The following TRIM17 variants were observed in gnomAD, a reference collection of about 807,000 sequenced individuals.
TRIM17 encodes the protein tripartite motif containing 17.
TRIM17 carries 27 observed loss-of-function variants against 35.8 expected under a neutral mutation model. That is an observed-to-expected ratio of 0.75 (90% CI 0.56 to 1.04). TRIM17 has a LOEUF of 1.04. Among genes scored for constraint, TRIM17 ranks in the 50% least tolerant of loss-of-function variants. The pLI, the probability that TRIM17 is intolerant of heterozygous loss-of-function variation, is 0.00. For synonymous variants in TRIM17, 246 were observed against 252.6 expected, an observed-to-expected ratio of 0.97 and a Z score of 0.25; for missense variants, 582 against 612.8, an observed-to-expected ratio of 0.95 and a Z score of 0.53.
rs528401423 is a variant in TRIM17 at position 228,408,330 on chromosome 1, G to T, written c.1305C>A (p.Ser435Arg). The T allele has an allele frequency of 2.5e-6, 4 of 1,613,900 alleles. No individual in the cohort carries two copies. The highest frequency in any genetic ancestry group is 1.1e-5 in the South Asian group (1 of 91,062). Reference protein sequence around the residue: ...EAGEVSFYSVSDGSHLHTYSQ... With the variant: ...EAGEVSFYSVRDGSHLHTYSQ... ...AGTAGGTGTGCAGGTGGGACCCATC[G>T]CTTACACTGTAGAAGGACACTTCCC... Residue 435 changes from serine (S) to arginine (R), a missense_variant, in exon 7 of 7, where the codon AGC becomes AGA. Physicochemically the swap from Ser to Arg is moderately radical, Grantham distance 110. Transcript: ENST00000366698. This position sits in a 1 kb window ranked among gnomAD's most constrained non-coding sequence, Gnocchi z 6.3.
At chr1:228,409,001 T>C in intron 6 of TRIM17, 171 bp downstream of exon 6, 2 of 1,557,582 alleles carry the variant, frequency 1.3e-6, no homozygotes, top group Non-Finnish European at 1.7e-6. Context: ...TCCCATGAAT[T>C]AGAACCACCA....
intron 4 of TRIM17, 24 bp from the exon 5 acceptor site, chr1:228,409,435 TG>T: frequency 6.7e-7 from 1 of 1,488,608 alleles, no homozygotes; most frequent in East Asian, 2.4e-5. Flanking sequence ...GGACGGAGGG[TG>T]GGGAGTGAGC....
rs761434552 is a variant in TRIM17 at position 228,414,761 on chromosome 1, C to T, written c.312G>A (p.Glu104=). ...QKQDLCQEHH[E]PLKLFCQKDQ... is the part of the protein sequence containing the mutation. ...CCTTCTGGCAGAAAAGCTTGAGGGG[C>T]TCGTGGTGCTCCTGGCACAGGTCTT... The change falls in exon 2 of 7, where the codon GAG becomes GAA. Residue 104 remains glutamate, a synonymous_variant. Coordinates refer to ENST00000366698, the MANE Select transcript of TRIM17 (RefSeq NM_016102.4). The T allele has an allele frequency of 3.2e-5, 52 of 1,612,870 alleles. 1 individual carries two copies. Among genetic ancestry groups the T allele is most frequent in the South Asian group, 1.1e-4 (10 of 91,036 alleles).
chr1:228,409,021 C>T, intron 6 of TRIM17, 151 bp downstream of exon 6: 1 of 1,595,652 alleles, frequency 6.3e-7, no homozygotes, highest in South Asian at 1.1e-5. Flanking sequence ...AGTAACGCCG[C>T]CCTACGAAGG....
rs1656708115 is a variant in TRIM17, at chr1:228,410,324, C to A, written c.756+622G>T. Among the ~76,000 whole-genome samples, 2 of 152,088 alleles carry A rather than the reference C, an allele frequency of 1.3e-5. No homozygotes were observed. Among genetic ancestry groups the A allele is most frequent in the Admixed American group, 1.3e-4 (2 of 15,276 alleles). On this transcript the variant is annotated intron_variant, in intron 4 of 6. Coordinates refer to ENST00000366698, the MANE Select transcript of TRIM17 (RefSeq NM_016102.4). The surrounding 1 kb of genome is among the most constrained non-coding windows in gnomAD (Gnocchi z 4.6). ...CGTAATCAAGCCCCCTCTCCAGGGCCATGGCACACAGGCTGGTCCCGGCAG... is the reference window on the plus strand; with the variant it reads ...CGTAATCAAGCCCCCTCTCCAGGGCAATGGCACACAGGCTGGTCCCGGCAG...
Position 228,414,947 on chromosome 1 carries a change from C to T in TRIM17, c.126G>A (p.Leu42=), listed in dbSNP as rs1430993722. The T allele has an allele frequency of 2.5e-6, 4 of 1,613,508 alleles. No homozygotes were observed. Among genetic ancestry groups the T allele is most frequent in the Non-Finnish European group, 3.4e-6 (4 of 1,180,034 alleles). ...TCTTGCCCCTCGCCTTTTCCCAGCT[C>T]AGCTGGATGCAGGCTCGGCAGAAGT... The part of the protein sequence containing the change: ...GHNFCRACIQ[L]SWEKARGKKG... Residue 42 remains leucine, a synonymous_variant, in exon 2 of 7, where the codon CTG becomes CTA. Coordinates refer to ENST00000366698, the MANE Select transcript of TRIM17 (RefSeq NM_016102.4).
At chr1:228,415,152 G>A (rs1558460125) in intron 1 of TRIM17, 39 bp from the exon 2 acceptor site, 9 of 1,481,022 alleles carry the variant, frequency 6.1e-6, no homozygotes, top group Middle Eastern at 1.9e-4. Flanking sequence ...TGATCTGGGC[G>A]CCGGCAGTGT....
Position 228,410,884 on chromosome 1 carries a change from G to A in TRIM17, c.756+62C>T, listed in dbSNP as rs142171479. On this transcript the variant is annotated intron_variant, in intron 4 of 6. Coordinates refer to ENST00000366698, the MANE Select transcript of TRIM17 (RefSeq NM_016102.4). This position sits in a 1 kb window ranked among gnomAD's most constrained non-coding sequence, Gnocchi z 4.6. ...TGGCTGCCTCTTCCCCAAGCCCAGC[G>A]CCCCCTGCCCATGCCTGTCAGAGCT... The A allele has an allele frequency of 9.5e-4, 1,161 of 1,217,532 alleles. 7 individuals are homozygous for A. In the African/African-American group the frequency reaches 0.016, roughly 16 times the overall value. The allele number at this position is 1,217,532 out of a possible 1,614,324, so 75.4% of individuals were successfully genotyped here.
Position 228,415,218 on chromosome 1 carries a change from TAG to T in TRIM17, c.-41-107_-41-106del, listed in dbSNP as rs771743156. On this transcript the variant is annotated intron_variant, in intron 1 of 6. Coordinates refer to ENST00000366698, the MANE Select transcript of TRIM17 (RefSeq NM_016102.4). ...AGGAGGGCTAGGACTGCAGTCCAGTTAGAGAGTCCAGAGTCATCATTTTTAGC... is the reference window on the plus strand; with the variant it reads ...AGGAGGGCTAGGACTGCAGTCCAGTTAGAGTCCAGAGTCATCATTTTTAGC... 1.6e-4 allele frequency: 139 copies of T among 894,652 alleles called. 1 individual carries two copies. In the East Asian group the frequency reaches 1.8e-3, roughly 11 times the overall value. 55.4% of individuals were successfully genotyped at this position (894,652 alleles called of 1,614,324 possible). A position where few individuals can be genotyped will look rare whatever the true frequency, so the allele number is the denominator to read the frequency against.
rs1008220266 is a variant in TRIM17 at position 228,410,859 on chromosome 1, T to C, written c.756+87A>G. 2 of 970,006 alleles carry C rather than the reference T, an allele frequency of 2.1e-6. No homozygotes were observed. Among genetic ancestry groups the C allele is most frequent in the African/African-American group, 3.3e-5 (2 of 60,584 alleles). The allele number at this position is 970,006 out of a possible 1,614,324, so 60.1% of individuals were successfully genotyped here. A position where few individuals can be genotyped will look rare whatever the true frequency, so the allele number is the denominator to read the frequency against. ...CTGGGAGCTAACAGCCCTTTCCCGTTGGCTGCCTCTTCCCCAAGCCCAGCG... is the reference window on the plus strand; with the variant it reads ...CTGGGAGCTAACAGCCCTTTCCCGTCGGCTGCCTCTTCCCCAAGCCCAGCG... On this transcript the variant is annotated intron_variant, in intron 4 of 6. Transcript: ENST00000366698. The surrounding 1 kb of genome is among the most constrained non-coding windows in gnomAD (Gnocchi z 4.6).
rs372443298 is a variant in TRIM17 at position 228,408,669 on chromosome 1, C to T, written c.966G>A (p.Ser322=). 4.7e-5 allele frequency: 75 copies of T among 1,611,678 alleles called. 1 individual carries two copies. In the African/African-American group the frequency reaches 5.2e-4, roughly 11 times the overall value. Residue 322 remains serine, a synonymous_variant, in exon 7 of 7, where the codon TCG becomes TCA. Coordinates refer to ENST00000366698, the MANE Select transcript of TRIM17 (RefSeq NM_016102.4). The surrounding 1 kb of genome is among the most constrained non-coding windows in gnomAD (Gnocchi z 6.3). ...TGCTGCAGAACCCACTGCCCTCCGGCGAAGAGCCGAGGTAGCGCCTCTGGC... is the reference window on the plus strand; with the variant it reads ...TGCTGCAGAACCCACTGCCCTCCGGTGAAGAGCCGAGGTAGCGCCTCTGGC... ...ESRQRRYLGS[S]PEGSGFCSKD... is the part of the protein sequence containing the mutation.
In TRIM17 at chr1:228,414,766, G is replaced by A. The variant is rs773004847; in HGVS notation, c.307C>T (p.His103Tyr). 22 of 1,612,920 alleles carry A rather than the reference G, an allele frequency of 1.4e-5. No individual in the cohort carries two copies. In the South Asian group the frequency reaches 2.4e-4, roughly 18 times the overall value. The change falls in exon 2 of 7, where the codon CAC (histidine) becomes TAC (tyrosine). Residue 103 changes from histidine (H) to tyrosine (Y), a missense_variant. By Grantham distance (83) the His-to-Tyr change is moderately conservative. Transcript: ENST00000366698. ...TGGCAGAAAAGCTTGAGGGGCTCGT[G>A]GTGCTCCTGGCACAGGTCTTGCTTC... ...LQKQDLCQEH[H>Y]EPLKLFCQKD...
At position 228,408,506 on chromosome 1, in the gene TRIM17, TC is replaced by T. The variant is rs749152705; in HGVS notation, c.1128del (p.Asp378ThrfsTer29). 9 of 1,614,062 alleles carry T rather than the reference TC, an allele frequency of 5.6e-6. No individual in the cohort carries two copies. Among genetic ancestry groups the T allele is most frequent in the Non-Finnish European group, 7.6e-6 (9 of 1,179,984 alleles). On this transcript the variant is annotated frameshift_variant, in exon 7 of 7. Coordinates refer to ENST00000366698, the MANE Select transcript of TRIM17 (RefSeq NM_016102.4). LOFTEE classifies it low-confidence loss of function (END_TRUNC). This position sits in a 1 kb window ranked among gnomAD's most constrained non-coding sequence, Gnocchi z 6.3. Reference sequence around the variant, plus strand: ...TCGGGGCACTTGGGGACCCTGTCTTTCCGGCTCACGTTGTCCCTGCACACAC... The same window carrying T: ...TCGGGGCACTTGGGGACCCTGTCTTTCGGCTCACGTTGTCCCTGCACACAC... ...ALGVCRDNVSRKDRVPKCPEN... is the reference protein window; with the variant it reads ...ALGVCRDNVSXKDRVPKCPEN...
Position 228,411,196 on chromosome 1 carries a change from C to G in TRIM17, c.526-20G>C. On this transcript the variant is annotated intron_variant, in intron 3 of 6. Coordinates refer to ENST00000366698, the MANE Select transcript of TRIM17 (RefSeq NM_016102.4). The surrounding 1 kb of genome is among the most constrained non-coding windows in gnomAD (Gnocchi z 4.2). The stretch of plus-strand genomic sequence containing the variant: ...CTTGCCCTGCAGGAGTGGAGAAGCC[C>G]AGCATGTTGCCAGCAGGTGGCTCAG... 2.5e-6 allele frequency: 4 copies of G among 1,575,588 alleles called. No homozygotes were observed. The highest frequency in any genetic ancestry group is 3.5e-6 in the Non-Finnish European group (4 of 1,157,672).
intron 3 of TRIM17, 31 bp downstream of exon 3, chr1:228,413,766 G>A: frequency 6.4e-7 from 1 of 1,564,446 alleles, no homozygotes; most frequent in African/African-American, 1.4e-5. Flanking sequence ...AGCAGCAGCA[G>A]GAAAGGGACT....
rs779139040 is a variant in TRIM17 at position 228,410,417 on chromosome 1, T to C, written c.756+529A>G. On this transcript the variant is annotated intron_variant, in intron 4 of 6. Transcript: ENST00000366698. The surrounding 1 kb of genome is among the most constrained non-coding windows in gnomAD (Gnocchi z 4.6). ...CTCACTCCTGGGACAGTGCACCTCCTCCACACCGAGACATGGAGTCCCTGT... is the reference window on the plus strand; with the variant it reads ...CTCACTCCTGGGACAGTGCACCTCCCCCACACCGAGACATGGAGTCCCTGT... Among the ~76,000 whole-genome samples the C allele has an allele frequency of 2.0e-5, 3 of 151,348 alleles. No homozygotes were observed. The highest frequency in any genetic ancestry group is 7.3e-5 in the African/African-American group (3 of 41,114).
At position 228,408,828 on chromosome 1, in the gene TRIM17, C is replaced by G; in HGVS notation, c.884-77G>C. On this transcript the variant is annotated intron_variant, in intron 6 of 6. Coordinates refer to ENST00000366698, the MANE Select transcript of TRIM17 (RefSeq NM_016102.4). The surrounding 1 kb of genome is among the most constrained non-coding windows in gnomAD (Gnocchi z 6.3). Reference sequence around the variant, plus strand: ...GGTCAAAGGTGGGAGTCCCCGGGCCCTAGTGGTGGATGTGGCCAATGGTCC... The same window carrying G: ...GGTCAAAGGTGGGAGTCCCCGGGCCGTAGTGGTGGATGTGGCCAATGGTCC... 6.5e-7 allele frequency: 1 copy of G among 1,533,908 alleles called. No individual in the cohort carries two copies. The highest frequency in any genetic ancestry group is 8.7e-7 in the Non-Finnish European group (1 of 1,146,278).
intron 3 of TRIM17, among the ~76,000 whole-genome samples, chr1:228,412,595 C>CAAAAAAAAAAA (rs34002550): frequency 2.1e-5 from 1 of 47,410 alleles, no homozygotes; most frequent in African/African-American, 9.5e-5. Context: ...CTTGTCTCTA[C>CAAAAAAAAAAA]AAAAAAAAAA....
chr1:228,416,496 G>C (rs929351035), intron 1 of TRIM17, 43 bp downstream of exon 1: 1 of 985,544 alleles, frequency 1.0e-6, no homozygotes. Flanking sequence ...TGGCCCAGGC[G>C]CCACAGGAGG....
Sources: allele counts gnomAD v4.1 joint callset (sites outside exome capture counted in the v4.1 genomes callset), GRCh38; gene constraint gnomAD v4.1.1; non-coding constraint Gnocchi (gnomAD v3.1); transcripts MANE v1.5; gene names NCBI Gene and HGNC (gene_info 2026-07-23, HGNC 2026-07-21).